Variants in SLC39A11 observed in about 807,000 individuals in gnomAD.
SLC39A11 encodes zinc transporter ZIP11.
A neutral mutation model predicts 36.1 loss-of-function variants in SLC39A11; 33 were observed. That is an observed-to-expected ratio of 0.91 (90% confidence interval 0.69 to 1.22). The LOEUF (loss-of-function observed/expected upper bound fraction) is 1.22, where lower values mean the gene tolerates loss of function less well. Among genes scored for constraint, SLC39A11 ranks in the 50% most tolerant of loss-of-function variants. SLC39A11 has a pLI of 0.00. For missense variants in SLC39A11, 432 were observed against 430.3 expected, an observed-to-expected ratio of 1.00 and a Z score of -0.03; for synonymous variants, 166 against 170.3, an observed-to-expected ratio of 0.97 and a Z score of 0.20.
At chr17:72,682,841 G>C (rs2071565987) in intron 7 of SLC39A11, among the ~76,000 whole-genome samples, 1 of 152,166 alleles carries the variant, frequency 6.6e-6, no homozygotes. Context: ...TCTGACTTAT[G>C]AGTCAATCTT....
At chr17:72,962,757 G>A (rs564962335) in intron 4 of SLC39A11, among the ~76,000 whole-genome samples, 30 of 152,182 alleles carry the variant, frequency 2.0e-4, no homozygotes, top group South Asian at 1.9e-3. Context: ...GGCCGGTCTC[G>A]AACTCCTGCC....
intron 3 of SLC39A11, among the ~76,000 whole-genome samples, chr17:73,082,216 AATGCTTAC>A: frequency 6.6e-6 from 1 of 151,476 alleles, no homozygotes; most frequent in Non-Finnish European, 1.5e-5. Context: ...TAGGGCTCTA[AATGCTTAC>A]ATAACAATTT....
At chr17:73,062,475 A>AAAAAAAAAAAAAAAACC (rs56021607) in intron 3 of SLC39A11, among the ~76,000 whole-genome samples, 74 of 87,018 alleles carry the variant, frequency 8.5e-4, no homozygotes, top group Non-Finnish European at 1.3e-3. Flanking sequence ...AAAAAAAAAA[A>AAAAAAAAAAAAAAAACC]AAACTTTAGG....
At chr17:72,970,565 C>CAA (rs72453160) in intron 4 of SLC39A11, among the ~76,000 whole-genome samples, 20 of 151,416 alleles carry the variant, frequency 1.3e-4, no homozygotes, top group Admixed American at 7.2e-4. Context: ...AAGCTACACA[C>CAA]ACAAAAAAAA....
intron 6 of SLC39A11, among the ~76,000 whole-genome samples, chr17:72,773,445 A>G (rs1450442689): frequency 5.3e-5 from 8 of 151,960 alleles, no homozygotes; most frequent in Non-Finnish European, 1.0e-4. Context: ...ATAAGGGGAA[A>G]CCCCTTTTTC....
chr17:72,894,902 G>A (rs1457868962), intron 5 of SLC39A11, among the ~76,000 whole-genome samples: 2 of 152,084 alleles, frequency 1.3e-5, no homozygotes, highest in African/African-American at 4.8e-5. Flanking sequence ...AGGTGGACTG[G>A]GAGACCGTCT....
chr17:73,084,663 C>A, intron 3 of SLC39A11, 145 bp downstream of exon 3: 1 of 713,612 alleles, frequency 1.4e-6, no homozygotes, highest in Non-Finnish European at 2.5e-6. Flanking sequence ...ATAAATATGG[C>A]AGGTGATAAG....
At position 73,004,227 on chromosome 17, in the gene SLC39A11, G is replaced by GAAAGAAAGAAAAGA. The variant is rs1555674238; in HGVS notation, c.306+27328_306+27329insTCTTTTCTTTCTTT. Among the ~76,000 whole-genome samples the GAAAGAAAGAAAAGA allele has an allele frequency of 6.5e-5, 6 of 92,502 alleles. No homozygotes were observed. In the East Asian group the frequency reaches 8.8e-4, roughly 14 times the overall value. The allele number at this position is 92,502 out of a possible 152,430, so 60.7% of individuals were successfully genotyped here. A position where few individuals can be genotyped will look rare whatever the true frequency, so the allele number is the denominator to read the frequency against. On this transcript the variant is annotated intron_variant, in intron 4 of 9. Transcript: ENST00000255559. ...AGAAAGAAAGAAAGAAAGAAAGAAA[G>GAAAGAAAGAAAAGA]AAAGAAAAGAAAGAAAGAGAAAAAG...
intron 6 of SLC39A11, among the ~76,000 whole-genome samples, chr17:72,752,235 A>G (rs893607954): frequency 1.3e-5 from 2 of 151,864 alleles, no homozygotes; most frequent in African/African-American, 4.8e-5. Context: ...CCTCTCCTTA[A>G]TATCTTTTTT....
At chr17:73,073,263 C>T (rs1005653114) in intron 3 of SLC39A11, among the ~76,000 whole-genome samples, 1 of 152,190 alleles carries the variant, frequency 6.6e-6, no homozygotes, top group African/African-American at 2.4e-5. Flanking sequence ...GTGTGGAGTG[C>T]CAGTGTCTTG....
chr17:72,987,777 C>T (rs541329185), intron 4 of SLC39A11, among the ~76,000 whole-genome samples: 6 of 152,282 alleles, frequency 3.9e-5, no homozygotes, highest in South Asian at 2.1e-4. Flanking sequence ...GAAGCCCCAA[C>T]GGTTGTTTTG....
chr17:72,712,890 A>G (rs1048299415), intron 7 of SLC39A11: 1 of 152,290 alleles, frequency 6.6e-6, no homozygotes, highest in Non-Finnish European at 1.5e-5. Flanking sequence ...ATAGGAACAG[A>G]TAAGACATGA....
At chr17:72,851,249 C>T (rs1002810354) in intron 5 of SLC39A11, among the ~76,000 whole-genome samples, 2 of 152,172 alleles carry the variant, frequency 1.3e-5, no homozygotes, top group Non-Finnish European at 2.9e-5. Context: ...TTCTTAGAAC[C>T]TTATTCTAAA....
At position 73,071,158 on chromosome 17, in the gene SLC39A11, T is replaced by A. The variant is rs527572455; in HGVS notation, c.147+13650A>T. 3.3e-5 allele frequency among the ~76,000 whole-genome samples: 5 copies of A among 152,296 alleles called. No individual in the cohort carries two copies. The East Asian group carries it at 7.7e-4, about 24-fold the overall frequency. On this transcript the variant is annotated intron_variant, in intron 3 of 9. Transcript: ENST00000255559. The stretch of plus-strand genomic sequence containing the variant: ...GAACTTCCCCAAAGCCAGAGAACTC[T>A]TTGGAAGTGAACCATCAAGGACATG...
chr17:72,907,847 C>T (rs191428913), intron 5 of SLC39A11, among the ~76,000 whole-genome samples: 265 of 152,344 alleles, frequency 1.7e-3, no homozygotes, highest in African/African-American at 6.2e-3. Context: ...CCACAGACTG[C>T]GGTGCACAGC....
At chr17:72,846,682 G>T (rs1156914512) in intron 6 of SLC39A11, among the ~76,000 whole-genome samples, 1 of 152,194 alleles carries the variant, frequency 6.6e-6, no homozygotes, top group Non-Finnish European at 1.5e-5. Context: ...AGGAAAGTTG[G>T]ATACTCATTC....
chr17:72,953,427 T>C (rs2086010832), intron 4 of SLC39A11, among the ~76,000 whole-genome samples: 1 of 152,094 alleles, frequency 6.6e-6, no homozygotes, highest in African/African-American at 2.4e-5. Context: ...CAACTTGCCT[T>C]ACATTAAACC....
chr17:73,092,447 C>T (rs1449807371), intron 1 of SLC39A11, 164 bp downstream of exon 1: 2 of 146,868 alleles, frequency 1.4e-5, no homozygotes, highest in Admixed American at 1.4e-4. Context: ...CCGACACCTG[C>T]CAAAGCCTCC....
intron 4 of SLC39A11, among the ~76,000 whole-genome samples, chr17:72,959,311 A>ATGTGTGTGTGTGTG (rs1214552224): frequency 3.2e-5 from 3 of 92,598 alleles, no homozygotes; most frequent in African/African-American, 1.3e-4. Context: ...TGGTGTATGT[A>ATGTGTGTGTGTGTG]TGTGTGTGTG....
Sources: allele counts gnomAD v4.1 joint callset (sites outside exome capture counted in the v4.1 genomes callset), GRCh38; gene constraint gnomAD v4.1.1; transcripts MANE v1.5; gene names NCBI Gene and HGNC (gene_info 2026-07-23, HGNC 2026-07-21).